The following SIRPG variants were observed in gnomAD, a reference collection of about 807,000 sequenced individuals.
SIRPG encodes the protein signal-regulatory protein gamma.
SIRPG carries 38 observed loss-of-function variants against 35.7 expected under a neutral mutation model. That is an observed-to-expected ratio of 1.06 (90% CI 0.82 to 1.40). The LOEUF (loss-of-function observed/expected upper bound fraction) is 1.40. Ranked by LOEUF, SIRPG falls within the 40% of genes most tolerant of loss-of-function variation. The pLI is 0.00. For missense variants in SIRPG, 519 were observed against 483.0 expected, an observed-to-expected ratio of 1.07 and a Z score of -0.70; for synonymous variants, 215 against 190.4, an observed-to-expected ratio of 1.13 and a Z score of -1.06.
intron 3 of SIRPG, 74 bp downstream of exon 3, chr20:1,636,114 A>T: frequency 6.2e-7 from 1 of 1,601,866 alleles, no homozygotes; most frequent in Non-Finnish European, 8.5e-7. Context: ...CAACCTCTGG[A>T]GCAACAGCCT....
chr20:1,663,997 G>A, the SIRPG span, among the ~76,000 whole-genome samples: 5 of 152,222 alleles, frequency 3.3e-5, no homozygotes, highest in Non-Finnish European at 7.3e-5. Flanking sequence ...CTTCTGATGA[G>A]GCCCTCGGAC....
intron 2 of SIRPG, among the ~76,000 whole-genome samples, chr20:1,643,627 C>T (rs189759466): frequency 2.4e-4 from 37 of 152,252 alleles, no homozygotes; most frequent in African/African-American, 7.0e-4. Context: ...AGACTCATTG[C>T]GATCATTTGG....
intron 2 of SIRPG, among the ~76,000 whole-genome samples, chr20:1,642,272 G>A (rs912500935): frequency 2.6e-5 from 4 of 152,166 alleles, no homozygotes; most frequent in Non-Finnish European, 5.9e-5. Flanking sequence ...GAATCTGGGT[G>A]CTCCTATATT....
At chr20:1,648,906 C>T (rs1298132047) in intron 2 of SIRPG, 146 bp downstream of exon 2, 1 of 757,904 alleles carries the variant, frequency 1.3e-6, no homozygotes, top group Non-Finnish European at 2.2e-6. Flanking sequence ...TGGGCTTCAA[C>T]TCACCTGATC....
the SIRPG span, among the ~76,000 whole-genome samples, chr20:1,677,172 A>G: frequency 4.1e-3 from 620 of 152,160 alleles, 3 homozygotes; most frequent in African/African-American, 0.013. Flanking sequence ...AAGTGAGGAC[A>G]ATGAGGCACA....
intron 2 of SIRPG, chr20:1,648,354 C>T (rs1362974835): frequency 6.6e-6 from 1 of 152,238 alleles, no homozygotes; most frequent in East Asian, 1.9e-4. Flanking sequence ...AAATGCGAGA[C>T]TTATTGGCAT....
chr20:1,636,639 T>C (rs1392309940), intron 2 of SIRPG, 134 bp from the exon 3 acceptor site: 8 of 1,065,188 alleles, frequency 7.5e-6, no homozygotes, highest in Non-Finnish European at 1.1e-5. Context: ...ATGGTGTTCT[T>C]ATTCTCATTT....
At chr20:1,667,220 C>T in the SIRPG span, among the ~76,000 whole-genome samples, 2 of 152,182 alleles carry the variant, frequency 1.3e-5, no homozygotes, top group Non-Finnish European at 2.9e-5. Context: ...TACACAAAAA[C>T]TACTGTGTTC....
intron 1 of SIRPG, among the ~76,000 whole-genome samples, chr20:1,652,894 C>T (rs564755397): frequency 4.9e-4 from 75 of 152,258 alleles, no homozygotes; most frequent in African/African-American, 1.7e-3. Context: ...ATGTCAGATC[C>T]TGGCACATAG....
At chr20:1,684,279 T>C in the SIRPG span, among the ~76,000 whole-genome samples, 2 of 152,192 alleles carry the variant, frequency 1.3e-5, no homozygotes, top group Admixed American at 1.3e-4. Context: ...TAAGTATATA[T>C]GCTTTTCTCA....
the SIRPG span, among the ~76,000 whole-genome samples, chr20:1,673,806 T>C: frequency 4.6e-5 from 7 of 152,348 alleles, no homozygotes; most frequent in African/African-American, 1.7e-4. Context: ...GATTCCTCCA[T>C]GACATCTTCG....
At chr20:1,665,563 C>A in the SIRPG span, among the ~76,000 whole-genome samples, 1 of 152,144 alleles carries the variant, frequency 6.6e-6, no homozygotes, top group Non-Finnish European at 1.5e-5. Flanking sequence ...GGGAAAGAGG[C>A]TCCTTCTTTC....
chr20:1,681,462 C>G, the SIRPG span, among the ~76,000 whole-genome samples: 1 of 152,126 alleles, frequency 6.6e-6, no homozygotes, highest in East Asian at 1.9e-4. Flanking sequence ...GAATCTCTAC[C>G]TTGGATATAA....
the SIRPG span, among the ~76,000 whole-genome samples, chr20:1,684,698 C>CT: frequency 6.6e-6 from 1 of 152,152 alleles, no homozygotes; most frequent in African/African-American, 2.4e-5. Flanking sequence ...CATAACATGG[C>CT]TAAAAGAATG....
At chr20:1,655,872 G>T (rs896483693) in intron 1 of SIRPG, among the ~76,000 whole-genome samples, 3 of 151,986 alleles carry the variant, frequency 2.0e-5, no homozygotes, top group African/African-American at 7.2e-5. Context: ...GATTAAAAAT[G>T]AAATCTCATC....
chr20:1,667,412 C>A, the SIRPG span, among the ~76,000 whole-genome samples: 1 of 152,274 alleles, frequency 6.6e-6, no homozygotes, highest in East Asian at 1.9e-4. Flanking sequence ...TGTTGTGAGA[C>A]CTTGGTTCTT....
intron 4 of SIRPG, chr20:1,633,830 G>A (rs1218308151): frequency 6.6e-6 from 1 of 152,254 alleles, no homozygotes; most frequent in Non-Finnish European, 1.5e-5. Context: ...GTGGAACACA[G>A]GCCAACTTCA....
chr20:1,634,992 G>A (rs2122430053), intron 4 of SIRPG, among the ~76,000 whole-genome samples: 1 of 151,574 alleles, frequency 6.6e-6, no homozygotes, highest in East Asian at 2.0e-4. Context: ...GCGGTGAGCA[G>A]AGATCGCGCC....
chr20:1,645,275 A>G lies in SIRPG; in HGVS notation c.430+3777T>C, dbSNP rs888885032. On this transcript the variant is annotated intron_variant, in intron 2 of 5. Coordinates refer to ENST00000303415, the MANE Select transcript of SIRPG (RefSeq NM_018556.4). ...CAGAAAAGCTGTTCTCAAAGCCCCA[A>G]CCCTATGGGGCATGACCTTTGCCAG... Among the ~76,000 whole-genome samples, 28 of 152,064 alleles carry G rather than the reference A, an allele frequency of 1.8e-4. 1 individual carries two copies. The highest frequency in any genetic ancestry group is 1.2e-3 in the Admixed American group (18 of 15,278).
Sources: gnomAD v4.1 joint callset for allele counts (sites outside exome capture counted in the v4.1 genomes callset) on GRCh38, gnomAD v4.1.1 for gene constraint, MANE v1.5 for transcripts, NCBI Gene and HGNC (gene_info 2026-07-23, HGNC 2026-07-21) for gene names.